Variants in ZFAND6 observed in about 807,000 individuals in gnomAD.
The protein encoded by ZFAND6 is zinc finger AN1-type containing 6.
A neutral mutation model predicts 24.5 loss-of-function variants in ZFAND6; 12 were observed. The ratio of observed to expected loss-of-function variants is 0.49; its 90% CI spans 0.31 to 0.79. The LOEUF (loss-of-function observed/expected upper bound fraction) is 0.79, where lower values mean the gene tolerates loss of function less well. Ranked by LOEUF, ZFAND6 falls within the 30% of genes least tolerant of loss-of-function variation. The pLI is 0.04. For missense variants in ZFAND6, 207 were observed against 245.9 expected (o/e 0.84, Z 1.06); for synonymous variants, 92 against 81.5 (o/e 1.13, Z -0.69).
chr15:80,070,652 T>C (rs1378243951), intron 1 of ZFAND6, among the ~76,000 whole-genome samples: 2 of 152,180 alleles, frequency 1.3e-5, no homozygotes, highest in African/African-American at 4.8e-5. Flanking sequence ...TGGAGAGTGG[T>C]CTTGGTGTTA....
intron 2 of ZFAND6, among the ~76,000 whole-genome samples, chr15:80,113,387 CCAAT>C (rs1211559143): frequency 1.4e-4 from 22 of 152,098 alleles, no homozygotes; most frequent in Non-Finnish European, 2.4e-4. Flanking sequence ...TAGGTACTGG[CCAAT>C]CAAATATGGC....
chr15:80,099,442 TC>T (rs1198148136), intron 2 of ZFAND6, among the ~76,000 whole-genome samples: 1 of 152,164 alleles, frequency 6.6e-6, no homozygotes, highest in African/African-American at 2.4e-5. Context: ...TGTTAACTGT[TC>T]ACTGAGGCAT....
rs990738724 is a variant in ZFAND6 at position 80,120,665 on chromosome 15, G to C, written c.154+167G>C. 84 of 450,802 alleles carry C rather than the reference G, an allele frequency of 1.9e-4. No individual in the cohort carries two copies. In the East Asian group the frequency reaches 3.1e-3, roughly 17 times the overall value. 27.9% of individuals were successfully genotyped at this position (450,802 alleles called of 1,614,324 possible). A position where few individuals can be genotyped will look rare whatever the true frequency, so the allele number is the denominator to read the frequency against. ...GATTATAATCAGTAGTGAGGAGTTA[G>C]GAATGAGTATCATCACTCATTGAAA... On this transcript the variant is annotated intron_variant, in intron 3 of 6. Transcript: ENST00000261749.
intron 1 of ZFAND6, among the ~76,000 whole-genome samples, chr15:80,076,444 AC>A (rs1001952520): frequency 1.3e-5 from 2 of 151,564 alleles, no homozygotes; most frequent in Non-Finnish European, 2.9e-5. Flanking sequence ...ATGACTAAAC[AC>A]CCCCCTAATT....
At chr15:80,123,299 A>AT (rs1368469482) in intron 5 of ZFAND6, among the ~76,000 whole-genome samples, 1 of 152,164 alleles carries the variant, frequency 6.6e-6, no homozygotes, top group Non-Finnish European at 1.5e-5. Context: ...CATGCTCTTC[A>AT]TATCCCCATT....
At chr15:80,103,013 C>G (rs1173338866) in intron 2 of ZFAND6, among the ~76,000 whole-genome samples, 1 of 152,204 alleles carries the variant, frequency 6.6e-6, no homozygotes, top group Non-Finnish European at 1.5e-5. Context: ...CACCTCCATC[C>G]ATGACTTTAG....
chr15:80,083,353 T>A (rs533915507), intron 1 of ZFAND6, among the ~76,000 whole-genome samples: 7 of 152,300 alleles, frequency 4.6e-5, no homozygotes, highest in Middle Eastern at 3.4e-3. Context: ...TCCATAATAA[T>A]AAATTCTGCA....
intron 5 of ZFAND6, 55 bp from the exon 6 acceptor site, chr15:80,131,125 G>T: frequency 7.2e-7 from 1 of 1,390,214 alleles, no homozygotes; most frequent in East Asian, 2.3e-5. Context: ...GTGGGATGAG[G>T]AATAGCAAAA....
At chr15:80,126,191 C>G (rs966814921) in intron 5 of ZFAND6, among the ~76,000 whole-genome samples, 9 of 152,138 alleles carry the variant, frequency 5.9e-5, no homozygotes, top group African/African-American at 1.7e-4. Flanking sequence ...GGGTTTCTGA[C>G]TTTATACAAA....
At chr15:80,105,257 G>A (rs776567374) in intron 2 of ZFAND6, among the ~76,000 whole-genome samples, 1 of 152,116 alleles carries the variant, frequency 6.6e-6, no homozygotes. Context: ...TTTGAGAGGA[G>A]GATGTTAGAA....
At chr15:80,077,697 CTTTTTTTTT>C (rs11441423) in intron 1 of ZFAND6, among the ~76,000 whole-genome samples, 4 of 115,296 alleles carry the variant, frequency 3.5e-5, no homozygotes, top group Admixed American at 1.0e-4. Context: ...AGTTTTCTTT[CTTTTTTTTT>C]TTTTTTTTTT....
intron 1 of ZFAND6, among the ~76,000 whole-genome samples, chr15:80,066,953 C>G (rs1055541144): frequency 6.6e-6 from 1 of 151,666 alleles, no homozygotes; most frequent in African/African-American, 2.4e-5. Flanking sequence ...CATCTTCCAG[C>G]TGGATTGCTG....
At chr15:80,125,959 T>A (rs2040354006) in intron 5 of ZFAND6, among the ~76,000 whole-genome samples, 2 of 152,182 alleles carry the variant, frequency 1.3e-5, no homozygotes. Flanking sequence ...CAGAAGATAT[T>A]CTTTATATTG....
At chr15:80,125,261 A>G (rs944795849) in intron 5 of ZFAND6, among the ~76,000 whole-genome samples, 1 of 152,176 alleles carries the variant, frequency 6.6e-6, no homozygotes, top group African/African-American at 2.4e-5. Context: ...CTCAGTTCTC[A>G]GGGTAGGATC....
intron 1 of ZFAND6, among the ~76,000 whole-genome samples, chr15:80,063,100 T>C (rs2036422563): frequency 6.6e-6 from 1 of 152,170 alleles, no homozygotes; most frequent in Non-Finnish European, 1.5e-5. Flanking sequence ...CCAAATAAAA[T>C]TGAAACCTCT....
At chr15:80,059,576 G>A (rs564444694), upstream of ZFAND6, 1 of 151,942 alleles carries the variant, frequency 6.6e-6, no homozygotes, top group Non-Finnish European at 1.5e-5. Flanking sequence ...GTAATAATTA[G>A]CGGGCGGGCG....
chr15:80,085,798 G>A (rs1231520309), intron 1 of ZFAND6, among the ~76,000 whole-genome samples: 1 of 152,070 alleles, frequency 6.6e-6, no homozygotes, highest in East Asian at 1.9e-4. Flanking sequence ...ATAGTCATGT[G>A]CCACATAATG....
chr15:80,123,561 C>T (rs2040239912), intron 5 of ZFAND6, among the ~76,000 whole-genome samples: 1 of 152,230 alleles, frequency 6.6e-6, no homozygotes, highest in Admixed American at 6.5e-5. Context: ...ATGGTGTTCA[C>T]ATGATGGTAA....
intron 5 of ZFAND6, among the ~76,000 whole-genome samples, chr15:80,124,706 A>G (rs1374152499): frequency 2.0e-5 from 3 of 152,168 alleles, no homozygotes; most frequent in Admixed American, 6.5e-5. Context: ...TATAGGCCCC[A>G]TTTTTCATAC....
Sources: allele counts gnomAD v4.1 joint callset (sites outside exome capture counted in the v4.1 genomes callset), GRCh38; gene constraint gnomAD v4.1.1; transcripts MANE v1.5; gene names NCBI Gene and HGNC (gene_info 2026-07-23, HGNC 2026-07-21).